FHIT: variants seen among roughly 807,000 people sequenced by gnomAD.
FHIT encodes bis(5'-adenosyl)-triphosphatase.
FHIT carries 19 observed loss-of-function variants against 17.9 expected under a neutral mutation model. The observed-to-expected ratio is 1.06, with a 90% CI of 0.74 to 1.56. The LOEUF is 1.56. Among genes scored for constraint, FHIT ranks in the 40% most tolerant of loss-of-function variants. FHIT has a pLI of 0.00. For synonymous variants in FHIT, 81 were observed against 69.7 expected (o/e 1.16, Z -0.81); for missense variants, 248 against 189.2 (o/e 1.31, Z -1.82).
intron 5 of FHIT, among the ~76,000 whole-genome samples, chr3:60,065,345 C>T (rs191927): frequency 0.34 from 51,246 of 151,874 alleles, 10,642 homozygotes; most frequent in African/African-American, 0.59. Context: ...ACCATGTCAC[C>T]GAGAGGCTTA....
At chr3:59,995,344 A>T (rs212015) in intron 7 of FHIT, among the ~76,000 whole-genome samples, 23,818 of 151,912 alleles carry the variant, frequency 0.16, 2,148 homozygotes, top group East Asian at 0.35. Flanking sequence ...TTGAATCCCA[A>T]CTCCTAGCTT....
At chr3:60,175,582 CAA>C (rs1701633484) in intron 5 of FHIT, among the ~76,000 whole-genome samples, 1 of 152,022 alleles carries the variant, frequency 6.6e-6, no homozygotes, top group Admixed American at 6.5e-5. Context: ...GCAATACGAG[CAA>C]AGTTACAATG....
In FHIT at chr3:60,846,802, T is replaced by C. The variant is rs548223243; in HGVS notation, c.-110-24791A>G. ...GCATTAATGGATGTATTTGTCATTG[T>C]TAAGATTAAGTAACATAATCTTTCT... is the stretch of plus-strand genomic sequence containing the variant. On this transcript the variant is annotated intron_variant, in intron 3 of 9. Coordinates refer to ENST00000492590, the MANE Select transcript of FHIT (RefSeq NM_002012.4). Among the ~76,000 whole-genome samples the C allele has an allele frequency of 1.1e-3, 168 of 152,298 alleles. 1 individual carries two copies. Among genetic ancestry groups the C allele is most frequent in the African/African-American group, 3.8e-3 (158 of 41,572 alleles).
intron 3 of FHIT, among the ~76,000 whole-genome samples, chr3:60,945,860 G>C (rs972270282): frequency 6.6e-6 from 1 of 152,144 alleles, no homozygotes; most frequent in African/African-American, 2.4e-5. Flanking sequence ...TACAGGTGAA[G>C]ATATAAAATA....
chr3:61,080,998 T>G (rs1283044379), intron 2 of FHIT, among the ~76,000 whole-genome samples: 3 of 152,210 alleles, frequency 2.0e-5, no homozygotes, highest in Non-Finnish European at 4.4e-5. Flanking sequence ...CTCACAAGCC[T>G]GCTTCTTCAT....
At chr3:59,926,339 G>A (rs1318998430) in intron 7 of FHIT, among the ~76,000 whole-genome samples, 2 of 152,024 alleles carry the variant, frequency 1.3e-5, no homozygotes, top group Non-Finnish European at 2.9e-5. Context: ...CTATTTCTAG[G>A]TGCTATTCTA....
At chr3:60,033,108 T>G (rs1364630994) in intron 5 of FHIT, among the ~76,000 whole-genome samples, 2 of 152,142 alleles carry the variant, frequency 1.3e-5, no homozygotes, top group African/African-American at 2.4e-5. Context: ...TGGATCTTTT[T>G]TGGATCCTGA....
intron 5 of FHIT, among the ~76,000 whole-genome samples, chr3:60,090,594 A>C (rs1484025679): frequency 6.6e-6 from 1 of 152,174 alleles, no homozygotes; most frequent in Non-Finnish European, 1.5e-5. Context: ...ATTGAAGGGA[A>C]GGGAGCCTCT....
At chr3:60,752,385 C>T (rs1289950976) in intron 4 of FHIT, among the ~76,000 whole-genome samples, 6 of 152,092 alleles carry the variant, frequency 3.9e-5, no homozygotes, top group Admixed American at 2.0e-4. Flanking sequence ...ATTGTGCATT[C>T]GATTTTTCAC....
intron 8 of FHIT, among the ~76,000 whole-genome samples, chr3:59,887,295 G>T (rs1017376222): frequency 1.5e-4 from 23 of 152,166 alleles, no homozygotes; most frequent in Admixed American, 1.3e-4. Flanking sequence ...CTGTTCGCTG[G>T]AGTCTGAGCA....
At chr3:60,020,283 A>G (rs1224837115) in intron 5 of FHIT, among the ~76,000 whole-genome samples, 1 of 152,178 alleles carries the variant, frequency 6.6e-6, no homozygotes, top group Non-Finnish European at 1.5e-5. Flanking sequence ...GACAAATACG[A>G]AATATTTAAA....
At chr3:60,107,558 G>A (rs1011028240) in intron 5 of FHIT, among the ~76,000 whole-genome samples, 16 of 152,162 alleles carry the variant, frequency 1.1e-4, no homozygotes, top group African/African-American at 3.4e-4. Flanking sequence ...TATGTGACTG[G>A]TTATAGCTCT....
chr3:59,970,018 G>C (rs748854962), intron 7 of FHIT, among the ~76,000 whole-genome samples: 1 of 151,932 alleles, frequency 6.6e-6, no homozygotes, highest in Non-Finnish European at 1.5e-5. Flanking sequence ...GAACATAACT[G>C]AATATCATTT....
chr3:60,894,501 G>A (rs572420480), intron 3 of FHIT, among the ~76,000 whole-genome samples: 1 of 152,216 alleles, frequency 6.6e-6, no homozygotes, highest in South Asian at 2.1e-4. Flanking sequence ...GAGATGATGT[G>A]AGACGCACAG....
chr3:59,834,778 CA>C (rs1277692655), intron 8 of FHIT, among the ~76,000 whole-genome samples: 1 of 152,124 alleles, frequency 6.6e-6, no homozygotes, highest in Non-Finnish European at 1.5e-5. Context: ...TTGAAGGACA[CA>C]AACATTCAGT....
intron 3 of FHIT, among the ~76,000 whole-genome samples, chr3:60,992,536 C>T (rs1167954075): frequency 6.6e-6 from 1 of 152,156 alleles, no homozygotes; most frequent in Non-Finnish European, 1.5e-5. Context: ...CTTCCCGTTT[C>T]TAAGTTAAAC....
At chr3:61,133,041 T>C (rs1365598739) in intron 2 of FHIT, among the ~76,000 whole-genome samples, 5 of 152,188 alleles carry the variant, frequency 3.3e-5, no homozygotes, top group Non-Finnish European at 5.9e-5. Flanking sequence ...TGCATAGTGA[T>C]GAAGAGGAAA....
intron 4 of FHIT, among the ~76,000 whole-genome samples, chr3:60,612,457 A>C (rs1322050407): frequency 2.0e-5 from 3 of 152,196 alleles, no homozygotes. Context: ...CAAAACAAAA[A>C]TACTCTTTTA....
At chr3:59,830,203 A>C (rs973126682) in intron 8 of FHIT, among the ~76,000 whole-genome samples, 1 of 152,262 alleles carries the variant, frequency 6.6e-6, no homozygotes, top group East Asian at 1.9e-4. Flanking sequence ...CTGCTAAGAT[A>C]ACCAAAGTAA....
Sources: allele counts gnomAD v4.1 joint callset (sites outside exome capture counted in the v4.1 genomes callset), GRCh38; gene constraint gnomAD v4.1.1; transcripts MANE v1.5; gene names NCBI Gene and HGNC (gene_info 2026-07-23, HGNC 2026-07-21).